Variants in CHD1L observed in about 807,000 individuals in gnomAD.
CHD1L encodes the protein chromodomain helicase DNA binding protein 1 like, also known as ATP-dependent chromatin remodeler CHD1L.
Under a neutral mutation model 115.9 loss-of-function variants are expected in CHD1L, and 118 were observed. The observed-to-expected ratio is 1.02, with a 90% CI of 0.88 to 1.19. The LOEUF (loss-of-function observed/expected upper bound fraction) is 1.19, where lower values mean the gene tolerates loss of function less well. Ranked by LOEUF, CHD1L falls within the 50% of genes most tolerant of loss-of-function variation. CHD1L has a pLI of 0.00. For synonymous variants in CHD1L, 411 were observed against 387.1 expected (o/e 1.06, Z -0.72); for missense variants, 1,179 against 1,065.3 (o/e 1.11, Z -1.49).
intron 12 of CHD1L, among the ~76,000 whole-genome samples, chr1:147,272,861 C>T (rs1676774862): frequency 6.7e-6 from 1 of 148,510 alleles, no homozygotes; most frequent in South Asian, 2.2e-4. Context: ...TTGAAATCAG[C>T]TCTTGGAGAT....
chr1:147,277,558 T>A (rs1359876272), intron 14 of CHD1L, among the ~76,000 whole-genome samples: 3 of 152,192 alleles, frequency 2.0e-5, no homozygotes, highest in African/African-American at 7.2e-5. Flanking sequence ...GTTCTTTGTT[T>A]ATCTTAGGGG....
intron 5 of CHD1L, among the ~76,000 whole-genome samples, chr1:147,258,347 G>A (rs1670785982): frequency 6.6e-6 from 1 of 152,150 alleles, no homozygotes; most frequent in South Asian, 2.1e-4. Flanking sequence ...CCACCACTCT[G>A]TAGCCTGTTT....
intron 21 of CHD1L, 112 bp downstream of exon 21, chr1:147,293,834 G>A: frequency 1.2e-6 from 1 of 823,640 alleles, no homozygotes. Flanking sequence ...GCACGGTAAA[G>A]GCAAACCACA....
At chr1:147,241,700 G>C (rs987186620), upstream of CHD1L, among the ~76,000 whole-genome samples, 1 of 152,106 alleles carries the variant, frequency 6.6e-6, no homozygotes, top group Non-Finnish European at 1.5e-5. Flanking sequence ...CCCTTTTCTA[G>C]CTCAGAACAA....
the CHD1L span, among the ~76,000 whole-genome samples, chr1:147,192,406 T>C: frequency 5.9e-5 from 9 of 152,122 alleles, no homozygotes; most frequent in Non-Finnish European, 8.8e-5. Context: ...TTAAGGAGAT[T>C]TTGGGCTGAG....
chr1:147,287,750 A>G lies in CHD1L; in HGVS notation c.2320+17A>G, dbSNP rs782373867. 6 of 1,607,428 alleles carry G rather than the reference A, an allele frequency of 3.7e-6. No homozygotes were observed. The highest frequency in any genetic ancestry group is 1.7e-4 in the Middle Eastern group (1 of 6,044). On this transcript the variant is annotated intron_variant, in intron 19 of 22. Transcript: ENST00000369258. ...AAATGAAAGGTAAGAAGCAAAGCAG[A>G]GGGAAAGGTTAAGGGTGGAATAAGA...
chr1:147,255,721 C>A, intron 3 of CHD1L, 92 bp from the exon 4 acceptor site: 1 of 840,020 alleles, frequency 1.2e-6, no homozygotes, highest in Non-Finnish European at 1.9e-6. Context: ...CTGTACATTG[C>A]AATCCTCCCA....
At chr1:147,198,850 C>CAAAAAAAAAAA in the CHD1L span, among the ~76,000 whole-genome samples, 55 of 51,552 alleles carry the variant, frequency 1.1e-3, no homozygotes, top group Admixed American at 1.5e-3. Flanking sequence ...GACTGCATCT[C>CAAAAAAAAAAA]AAAAAAAAAA....
chr1:147,252,836 C>T lies in CHD1L; in HGVS notation c.240+101C>T, dbSNP rs587668065. The T allele has an allele frequency of 6.1e-4, 583 of 952,044 alleles. 8 individuals are homozygous for T. The South Asian group carries it at 6.6e-3, about 11-fold the overall frequency. 59.0% of individuals were successfully genotyped at this position (952,044 alleles called of 1,614,324 possible). A position where few individuals can be genotyped will look rare whatever the true frequency, so the allele number is the denominator to read the frequency against. ...CTGGAGCTAAAACAAAGCTCAGTTT[C>T]ACAAATGTCCCTGGGATCCAGGCTA... On this transcript the variant is annotated intron_variant, in intron 2 of 22. Coordinates refer to ENST00000369258, the MANE Select transcript of CHD1L (RefSeq NM_004284.6).
At chr1:147,215,662 A>G in the CHD1L span, 41 of 927,158 alleles carry the variant, frequency 4.4e-5, no homozygotes, top group African/African-American at 4.7e-4. Context: ...AATCAAGCCA[A>G]TCTTTAGAAG....
chr1:147,272,212 G>A lies in CHD1L; in HGVS notation c.1201G>A (p.Glu401Lys). The A allele has an allele frequency of 6.2e-7, 1 of 1,614,134 alleles. No individual in the cohort carries two copies. The highest frequency in any genetic ancestry group is 1.1e-5 in the South Asian group (1 of 91,086). ...TGTGGATGGTTCTGTGAGAGGAGAAGAGAGACACTTGGCCATTAAGAACTT... is the reference window on the plus strand; with the variant it reads ...TGTGGATGGTTCTGTGAGAGGAGAAAAGAGACACTTGGCCATTAAGAACTT... ...ERVDGSVRGE[E>K]RHLAIKNFGQ... The change falls in exon 12 of 23, where the codon GAG becomes AAG. Residue 401 changes from glutamate to lysine, a missense_variant. By Grantham distance (56) the Glu-to-Lys change is moderately conservative (BLOSUM62 1). Transcript: ENST00000369258.
chr1:147,214,667 CT>C, the CHD1L span: 2 of 152,030 alleles, frequency 1.3e-5, no homozygotes, highest in Admixed American at 1.3e-4. Context: ...TCCCTGGAAC[CT>C]GATATTTCAT....
At chr1:147,244,052 CT>C (rs1553932696) in intron 1 of CHD1L, among the ~76,000 whole-genome samples, 1 of 152,162 alleles carries the variant, frequency 6.6e-6, no homozygotes, top group Non-Finnish European at 1.5e-5. Flanking sequence ...TAAGTATGAG[CT>C]TGTAGACTGG....
chr1:147,201,792 T>C, the CHD1L span, among the ~76,000 whole-genome samples: 4 of 152,138 alleles, frequency 2.6e-5, no homozygotes, highest in African/African-American at 9.7e-5. Context: ...ATTCTGTGTG[T>C]GATATGATAA....
intron 19 of CHD1L, among the ~76,000 whole-genome samples, chr1:147,288,136 G>A (rs1683978334): frequency 6.6e-6 from 1 of 151,872 alleles, no homozygotes; most frequent in African/African-American, 2.4e-5. Flanking sequence ...ACCAGCTTGG[G>A]CAACATAGTG....
At chr1:147,242,623 G>A, upstream of CHD1L, 1 of 1,219,678 alleles carries the variant, frequency 8.2e-7, no homozygotes, top group Non-Finnish European at 1.0e-6. Flanking sequence ...GCCCCAGCGC[G>A]CAGTCGCGCG....
At chr1:147,225,912 G>GC in the CHD1L span, 1 of 152,188 alleles carries the variant, frequency 6.6e-6, no homozygotes, top group Non-Finnish European at 1.5e-5. Context: ...ACTTTAAGGG[G>GC]TCCACGTGAA....
At chr1:147,214,000 A>G in the CHD1L span, among the ~76,000 whole-genome samples, 50 of 152,238 alleles carry the variant, frequency 3.3e-4, no homozygotes, top group African/African-American at 1.1e-3. Flanking sequence ...ATAAATACCC[A>G]TTTTACAAAG....
chr1:147,270,242 T>C (rs1221807420), intron 10 of CHD1L, among the ~76,000 whole-genome samples: 1 of 152,234 alleles, frequency 6.6e-6, no homozygotes, highest in Non-Finnish European at 1.5e-5. Flanking sequence ...TTATGCAAAT[T>C]TAAAATAACA....
Sources: allele counts gnomAD v4.1 joint callset (sites outside exome capture counted in the v4.1 genomes callset), GRCh38; gene constraint gnomAD v4.1.1; transcripts MANE v1.5; gene names NCBI Gene and HGNC (gene_info 2026-07-23, HGNC 2026-07-21).